Variants in LUZP2 observed in about 807,000 individuals in gnomAD.
LUZP2 encodes the protein leucine zipper protein 2.
In LUZP2, 52 loss-of-function variants were observed where a neutral mutation model predicts 51.6. The observed-to-expected ratio is 1.01, with a 90% CI of 0.81 to 1.27. The LOEUF is 1.27. Among genes scored for constraint, LUZP2 ranks in the 50% most tolerant of loss-of-function variants. LUZP2 has a pLI of 0.00. For missense variants in LUZP2, 436 were observed against 395.4 expected (o/e 1.10, Z -0.87); for synonymous variants, 154 against 137.3 (o/e 1.12, Z -0.85).
intron 1 of LUZP2, among the ~76,000 whole-genome samples, chr11:24,531,039 T>TTTATTATTATTATTA (rs367681666): frequency 0.012 from 1,726 of 144,880 alleles, 42 homozygotes; most frequent in African/African-American, 0.041. Flanking sequence ...TTTAGCCTCT[T>TTTATTATTATTATTA]TTATTATTAT....
chr11:25,045,028 G>T (rs1250695979), intron 9 of LUZP2, among the ~76,000 whole-genome samples: 2 of 112,968 alleles, frequency 1.8e-5, no homozygotes. Context: ...ATGGACACAG[G>T]AAGGGGAACA....
chr11:25,071,247 C>G (rs974429808), intron 10 of LUZP2, among the ~76,000 whole-genome samples: 1 of 151,848 alleles, frequency 6.6e-6, no homozygotes, highest in Non-Finnish European at 1.5e-5. Flanking sequence ...TAATTTATTT[C>G]ACATATATTT....
intron 5 of LUZP2, among the ~76,000 whole-genome samples, chr11:24,845,605 A>G (rs369096811): frequency 6.6e-5 from 10 of 152,280 alleles, no homozygotes; most frequent in Middle Eastern, 3.4e-3. Flanking sequence ...AACTCCCACA[A>G]TTCCCATGTG....
intron 1 of LUZP2, among the ~76,000 whole-genome samples, chr11:24,548,911 G>C (rs1226247287): frequency 1.3e-5 from 2 of 151,682 alleles, no homozygotes; most frequent in African/African-American, 4.8e-5. Context: ...TATGTTTCAT[G>C]GTAAATACTT....
At chr11:24,947,850 C>T (rs1368690025) in intron 7 of LUZP2, among the ~76,000 whole-genome samples, 2 of 151,776 alleles carry the variant, frequency 1.3e-5, no homozygotes, top group African/African-American at 4.8e-5. Context: ...GTCTCTTGTC[C>T]ATGCTAAGTT....
chr11:24,867,595 T>TA, intron 5 of LUZP2, among the ~76,000 whole-genome samples: 1 of 152,304 alleles, frequency 6.6e-6, no homozygotes, highest in Middle Eastern at 3.4e-3. Context: ...CATGGAGACT[T>TA]ACACATGCTT....
At chr11:24,698,793 C>G (rs1857329354) in intron 1 of LUZP2, among the ~76,000 whole-genome samples, 1 of 152,112 alleles carries the variant, frequency 6.6e-6, no homozygotes, top group Admixed American at 6.6e-5. Flanking sequence ...GCCAGGCTCA[C>G]ACTTGTAATC....
At chr11:24,754,245 C>T (rs1434263622) in intron 4 of LUZP2, among the ~76,000 whole-genome samples, 1 of 152,302 alleles carries the variant, frequency 6.6e-6, no homozygotes, top group South Asian at 2.1e-4. Context: ...AATCCTTCTA[C>T]CTTGGCCAGC....
intron 9 of LUZP2, among the ~76,000 whole-genome samples, chr11:24,986,086 T>A (rs973038524): frequency 1.6e-4 from 24 of 151,774 alleles, no homozygotes; most frequent in African/African-American, 5.6e-4. Context: ...CTTTTCTATG[T>A]CTATTTTGCT....
chr11:24,693,166 C>A (rs1378494623), intron 1 of LUZP2, among the ~76,000 whole-genome samples: 2 of 151,696 alleles, frequency 1.3e-5, no homozygotes, highest in Admixed American at 6.6e-5. Context: ...TTTCTTCATT[C>A]TTCTGTATTC....
chr11:24,829,326 A>G (rs2631500), intron 5 of LUZP2, among the ~76,000 whole-genome samples: 23,844 of 151,898 alleles, frequency 0.16, 2,075 homozygotes, highest in African/African-American at 0.22. Context: ...TAAATGAAAA[A>G]CTCCAGAGTA....
At chr11:24,673,023 A>G (rs1307196338) in intron 1 of LUZP2, among the ~76,000 whole-genome samples, 27 of 152,174 alleles carry the variant, frequency 1.8e-4, no homozygotes, top group Non-Finnish European at 2.9e-5. Flanking sequence ...TGTGCTCCCT[A>G]TAAGAATCTC....
At chr11:24,788,437 C>T (rs1849310265) in intron 5 of LUZP2, among the ~76,000 whole-genome samples, 1 of 151,910 alleles carries the variant, frequency 6.6e-6, no homozygotes, top group Non-Finnish European at 1.5e-5. Context: ...ATCCACCCAC[C>T]TCGGCCTCCC....
At chr11:24,998,664 A>T (rs1220483993) in intron 9 of LUZP2, among the ~76,000 whole-genome samples, 1 of 152,176 alleles carries the variant, frequency 6.6e-6, no homozygotes, top group Non-Finnish European at 1.5e-5. Flanking sequence ...ATTTCACAAG[A>T]GTTAGTAGTT....
chr11:24,885,073 CAG>C (rs1206659906), intron 5 of LUZP2, among the ~76,000 whole-genome samples: 7 of 151,994 alleles, frequency 4.6e-5, no homozygotes, highest in Non-Finnish European at 1.0e-4. Context: ...GCAAATCAGA[CAG>C]AGAGACATAT....
intron 7 of LUZP2, among the ~76,000 whole-genome samples, chr11:24,935,392 G>C (rs928158143): frequency 1.3e-5 from 2 of 152,124 alleles, no homozygotes; most frequent in Non-Finnish European, 2.9e-5. Flanking sequence ...AATACTAAAT[G>C]CTTTGTTATT....
chr11:24,802,523 A>G (rs1849725302), intron 5 of LUZP2, among the ~76,000 whole-genome samples: 1 of 151,888 alleles, frequency 6.6e-6, no homozygotes, highest in African/African-American at 2.4e-5. Context: ...CTTGTATACC[A>G]TTTTTAATTG....
intron 5 of LUZP2, among the ~76,000 whole-genome samples, chr11:24,794,268 G>A (rs1175249242): frequency 6.6e-6 from 1 of 152,114 alleles, no homozygotes; most frequent in Non-Finnish European, 1.5e-5. Context: ...ATATTCTACT[G>A]ATATATTCTA....
At chr11:24,824,390 A>AAAAAAAAAAT (rs1304693659) in intron 5 of LUZP2, among the ~76,000 whole-genome samples, 6 of 147,682 alleles carry the variant, frequency 4.1e-5, no homozygotes, top group African/African-American at 1.5e-4. Flanking sequence ...AAAAAAAAAA[A>AAAAAAAAAAT]AAATGAGTGG....
Sources: allele counts gnomAD v4.1 joint callset (sites outside exome capture counted in the v4.1 genomes callset), GRCh38; gene constraint gnomAD v4.1.1; transcripts MANE v1.5; gene names NCBI Gene and HGNC (gene_info 2026-07-23, HGNC 2026-07-21).